VWC2: variants seen among roughly 807,000 people sequenced by gnomAD.
VWC2 encodes brorin.
In VWC2, 14 loss-of-function variants were observed where a neutral mutation model predicts 29.8. That is an observed-to-expected ratio of 0.47 (90% CI 0.31 to 0.74). The LOEUF is 0.74. Among genes scored for constraint, VWC2 ranks in the 30% least tolerant of loss-of-function variants. The pLI, the probability that VWC2 is intolerant of heterozygous loss-of-function variation, is 0.05. For missense variants in VWC2, 457 were observed against 459.8 expected (o/e 0.99, Z 0.05); for synonymous variants, 213 against 199.0 (o/e 1.07, Z -0.59).
intron 3 of VWC2, among the ~76,000 whole-genome samples, chr7:49,808,949 A>G (rs1199232490): frequency 6.6e-6 from 1 of 152,056 alleles, no homozygotes; most frequent in South Asian, 2.1e-4. Context: ...TCAAATCAGC[A>G]ATGTAACCCT....
rs560361039 is a variant in VWC2 at position 49,916,866 on chromosome 7, T to C, written c.*4681T>C. 6.6e-6 allele frequency: 1 copy of C among 152,322 alleles called. No homozygotes were observed. Among genetic ancestry groups the C allele is most frequent in the African/African-American group, 2.4e-5 (1 of 41,576 alleles). 9.4% of individuals were successfully genotyped at this position (152,322 alleles called of 1,614,324 possible). ...AATACCCCAAATACCCCATGGTAGT[T>C]TTCGGATGAACTCTGACAGCTATTG... On this transcript the variant is annotated 3_prime_UTR_variant, in exon 4 of 4. Transcript: ENST00000340652.
At chr7:49,823,003 A>T (rs1389452386) in intron 3 of VWC2, among the ~76,000 whole-genome samples, 1 of 152,112 alleles carries the variant, frequency 6.6e-6, no homozygotes, top group Non-Finnish European at 1.5e-5. Context: ...ATATGTTTAT[A>T]TTTGTCTTGG....
intron 3 of VWC2, among the ~76,000 whole-genome samples, chr7:49,823,003 A>G (rs1389452386): frequency 6.6e-6 from 1 of 152,112 alleles, no homozygotes; most frequent in Non-Finnish European, 1.5e-5. Context: ...ATATGTTTAT[A>G]TTTGTCTTGG....
chr7:49,823,356 G>GA (rs1789308200), intron 3 of VWC2, among the ~76,000 whole-genome samples: 3 of 151,984 alleles, frequency 2.0e-5, no homozygotes, highest in African/African-American at 7.2e-5. Context: ...CATACGGAAG[G>GA]AAAAAAGACT....
At chr7:49,802,927 C>T (rs769629097) in intron 3 of VWC2, 87 bp downstream of exon 3, 9 of 1,553,964 alleles carry the variant, frequency 5.8e-6, no homozygotes, top group African/African-American at 4.1e-5. Context: ...GGGACACATA[C>T]GGATACGTGA....
intron 2 of VWC2, among the ~76,000 whole-genome samples, chr7:49,801,126 C>G (rs1408772474): frequency 6.6e-6 from 1 of 152,192 alleles, no homozygotes; most frequent in Non-Finnish European, 1.5e-5. Flanking sequence ...TGGTTAAACT[C>G]CAGTTGAGCT....
intron 3 of VWC2, among the ~76,000 whole-genome samples, chr7:49,910,276 T>G (rs1449066227): frequency 2.0e-5 from 3 of 152,212 alleles, no homozygotes; most frequent in Non-Finnish European, 4.4e-5. Context: ...GTACTTAGAA[T>G]TATTCAAAGG....
At chr7:49,897,866 G>A (rs1041844532) in intron 3 of VWC2, among the ~76,000 whole-genome samples, 1 of 152,188 alleles carries the variant, frequency 6.6e-6, no homozygotes, top group African/African-American at 2.4e-5. Context: ...ACTGCCAGGA[G>A]CTCAACAAGG....
At chr7:49,845,081 G>A (rs546246736) in intron 3 of VWC2, among the ~76,000 whole-genome samples, 2 of 152,256 alleles carry the variant, frequency 1.3e-5, no homozygotes, top group South Asian at 2.1e-4. Context: ...GCTGAACGAT[G>A]AGAACACATG....
intron 1 of VWC2, among the ~76,000 whole-genome samples, chr7:49,774,830 T>G (rs1788016013): frequency 6.6e-6 from 1 of 152,182 alleles, no homozygotes; most frequent in South Asian, 2.1e-4. Context: ...AAGCTTTGTT[T>G]AACCTCCCCG....
At chr7:49,777,637 T>C (rs1404122800) in intron 2 of VWC2, among the ~76,000 whole-genome samples, 1 of 152,146 alleles carries the variant, frequency 6.6e-6, no homozygotes, top group South Asian at 2.1e-4. Context: ...GAAAGACAAC[T>C]GGGATGAGCA....
At chr7:49,903,747 T>C (rs761953071) in intron 3 of VWC2, among the ~76,000 whole-genome samples, 3 of 152,166 alleles carry the variant, frequency 2.0e-5, no homozygotes, top group Non-Finnish European at 4.4e-5. Flanking sequence ...CCAGGGTTTG[T>C]GGTCTTGCTC....
chr7:49,875,990 A>G (rs1791399387), intron 3 of VWC2, among the ~76,000 whole-genome samples: 1 of 152,162 alleles, frequency 6.6e-6, no homozygotes, highest in South Asian at 2.1e-4. Flanking sequence ...TGGCACACTT[A>G]TTCTGTACTG....
Position 49,917,302 on chromosome 7 carries a change from C to CTTT in VWC2, c.*5117_*5118insTTT, listed in dbSNP as rs1793774123. 1 of 152,146 alleles carries CTTT rather than the reference C, an allele frequency of 6.6e-6. No individual in the cohort carries two copies. Among genetic ancestry groups the CTTT allele is most frequent in the Non-Finnish European group, 1.5e-5 (1 of 68,010 alleles). 9.4% of individuals were successfully genotyped at this position (152,146 alleles called of 1,614,324 possible). ...AAAGCACCTGCTATTCTAGCCTTAA[C>CTTT]ACAAAGATTTGGCTAATTTTTAAAT... is the stretch of plus-strand genomic sequence containing the variant. On this transcript the variant is annotated 3_prime_UTR_variant, in exon 4 of 4. Transcript: ENST00000340652.
chr7:49,855,139 G>T (rs527829643), intron 3 of VWC2, among the ~76,000 whole-genome samples: 1 of 152,282 alleles, frequency 6.6e-6, no homozygotes, highest in South Asian at 2.1e-4. Context: ...TGAAAGGCCT[G>T]CTCACATTAG....
intron 3 of VWC2, among the ~76,000 whole-genome samples, chr7:49,836,787 A>G (rs1355407891): frequency 2.0e-5 from 3 of 152,198 alleles, no homozygotes; most frequent in African/African-American, 7.2e-5. Flanking sequence ...GATACATTAC[A>G]AAAGAAACCA....
At chr7:49,906,571 C>G (rs183954288) in intron 3 of VWC2, among the ~76,000 whole-genome samples, 8 of 152,292 alleles carry the variant, frequency 5.3e-5, no homozygotes, top group African/African-American at 1.9e-4. Context: ...CTCCTGACCT[C>G]GTGATCCACC....
intron 3 of VWC2, among the ~76,000 whole-genome samples, chr7:49,825,237 T>C (rs1789367127): frequency 6.6e-6 from 1 of 152,212 alleles, no homozygotes; most frequent in Admixed American, 6.5e-5. Context: ...GTTGATTATC[T>C]CTCACTCATT....
At chr7:49,791,518 T>A (rs2128703838) in intron 2 of VWC2, among the ~76,000 whole-genome samples, 1 of 152,288 alleles carries the variant, frequency 6.6e-6, no homozygotes, top group South Asian at 2.1e-4. Flanking sequence ...CTGAAAACAG[T>A]TGTTCTTGTT....
Sources: gnomAD v4.1 joint callset for allele counts (sites outside exome capture counted in the v4.1 genomes callset) on GRCh38, gnomAD v4.1.1 for gene constraint, MANE v1.5 for transcripts, NCBI Gene and HGNC (gene_info 2026-07-23, HGNC 2026-07-21) for gene names.